The following MCPH1 variants were observed in gnomAD, a reference collection of about 807,000 sequenced individuals.
MCPH1 encodes the protein microcephalin 1, also known as microcephalin.
A neutral mutation model predicts 84.5 loss-of-function variants in MCPH1; 104 were observed. That is an observed-to-expected ratio of 1.23 (90% confidence interval 1.05 to 1.45). MCPH1 has a LOEUF of 1.45. MCPH1 is among the 40% of genes most tolerant of loss of function. MCPH1 has a pLI of 0.00. For missense variants in MCPH1, 1,498 were observed against 1,005.7 expected, an observed-to-expected ratio of 1.49 and a Z score of -6.62; for synonymous variants, 514 against 366.8, an observed-to-expected ratio of 1.40 and a Z score of -4.58.
chr8:6,500,147 C>A, intron 12 of MCPH1: 1 of 542,794 alleles, frequency 1.8e-6, no homozygotes, highest in Admixed American at 3.1e-5. Flanking sequence ...GAATGCAGTC[C>A]AAAGAAAATT....
intron 12 of MCPH1, among the ~76,000 whole-genome samples, chr8:6,574,301 C>T (rs1324945971): frequency 1.3e-5 from 2 of 152,148 alleles, no homozygotes; most frequent in African/African-American, 4.8e-5. Context: ...CTGTCCCATC[C>T]TAGCTTCTGG....
intron 3 of MCPH1, among the ~76,000 whole-genome samples, chr8:6,428,139 G>A (rs189937366): frequency 1.2e-4 from 18 of 151,958 alleles, no homozygotes; most frequent in Admixed American, 1.1e-3. Context: ...GATAAACTTT[G>A]TAATTTTTTA....
intron 12 of MCPH1, 135 bp downstream of exon 12, chr8:6,500,064 C>G: frequency 1.3e-6 from 1 of 743,498 alleles, no homozygotes. Flanking sequence ...ATTCACAGAA[C>G]TTAACACCTT....
intron 12 of MCPH1, among the ~76,000 whole-genome samples, chr8:6,571,136 G>T (rs946542458): frequency 2.6e-5 from 4 of 152,114 alleles, no homozygotes; most frequent in African/African-American, 9.7e-5. Flanking sequence ...ATGCCAGAAG[G>T]TCAAGATAGA....
rs1357401430 is a variant in MCPH1 at position 6,438,872 on chromosome 8, G to A, written c.437-81G>A. ...GGAAGAAGGAAAACGGGGTGTGGGG[G>A]GTTGTTCTTTAAAAGGAATCACATT... On this transcript the variant is annotated intron_variant, in intron 5 of 13. Transcript: ENST00000344683. The A allele has an allele frequency of 4.6e-6, 6 of 1,301,866 alleles. No individual in the cohort carries two copies. In the East Asian group the frequency reaches 7.0e-5, roughly 15 times the overall value. 80.6% of individuals were successfully genotyped at this position (1,301,866 alleles called of 1,614,324 possible).
Position 6,444,558 on chromosome 8 carries a change from C to T in MCPH1, c.836C>T (p.Ser279Phe). 1.9e-6 allele frequency: 3 copies of T among 1,614,166 alleles called. No homozygotes were observed. The highest frequency in any genetic ancestry group is 2.5e-6 in the Non-Finnish European group (3 of 1,180,002). The part of the protein sequence containing the change: ...LKANNIHSSP[S>F]FTHLDKSSPQ... ...GCAAATAATATTCATTCATCACCAT[C>T]TTTCACTCACCTCGATAAATCAAGT... is the stretch of plus-strand genomic sequence containing the variant. The change falls in exon 8 of 14, where the codon TCT (serine) becomes TTT (phenylalanine). Residue 279 changes from serine to phenylalanine, a missense_variant. Physicochemically the swap from Ser to Phe is radical, Grantham distance 155. Transcript: ENST00000344683.
At chr8:6,412,699 G>C (rs73514783) in intron 2 of MCPH1, among the ~76,000 whole-genome samples, 3,234 of 152,228 alleles carry the variant, frequency 0.021, 117 homozygotes, top group African/African-American at 0.074. Context: ...TAAAAGCCTT[G>C]TGGGAAGATG....
At chr8:6,452,069 T>A (rs1376308098) in intron 8 of MCPH1, among the ~76,000 whole-genome samples, 3 of 152,220 alleles carry the variant, frequency 2.0e-5, no homozygotes, top group Non-Finnish European at 2.9e-5. Context: ...CAAGCCAAGT[T>A]TCTCCTACAG....
chr8:6,471,376 A>C (rs148377341), intron 9 of MCPH1, among the ~76,000 whole-genome samples: 1 of 152,134 alleles, frequency 6.6e-6, no homozygotes, highest in African/African-American at 2.4e-5. Flanking sequence ...AATCTATGCA[A>C]ATAATTATAT....
At chr8:6,410,402 T>A (rs1159136128) in intron 2 of MCPH1, among the ~76,000 whole-genome samples, 1 of 152,190 alleles carries the variant, frequency 6.6e-6, no homozygotes, top group East Asian at 1.9e-4. Flanking sequence ...CACTGTAAGG[T>A]CATTGCTGAA....
chr8:6,602,322 G>T (rs75521833), intron 12 of MCPH1, among the ~76,000 whole-genome samples: 1 of 152,204 alleles, frequency 6.6e-6, no homozygotes, highest in African/African-American at 2.4e-5. Context: ...CATTCTGTGC[G>T]GATTTCTATG....
intron 13 of MCPH1, chr8:6,626,877 G>GT (rs1357488794): frequency 4.1e-6 from 4 of 984,632 alleles, no homozygotes; most frequent in Admixed American, 1.2e-4. Flanking sequence ...TCTCATAGGC[G>GT]TATTTCCACT....
chr8:6,626,371 T>C (rs1309596179), intron 13 of MCPH1: 21 of 985,172 alleles, frequency 2.1e-5, no homozygotes, highest in Non-Finnish European at 2.5e-5. Flanking sequence ...CTTCATTCCC[T>C]GGAGTCTTTT....
intron 8 of MCPH1, chr8:6,446,979 T>G: frequency 1.0e-6 from 1 of 985,298 alleles, no homozygotes; most frequent in Non-Finnish European, 1.2e-6. Context: ...GAGAGGTTTT[T>G]TCGCTCAGTG....
chr8:6,496,749 G>A (rs2442477), intron 11 of MCPH1, among the ~76,000 whole-genome samples: 81,195 of 151,912 alleles, frequency 0.53, 22,259 homozygotes, highest in East Asian at 0.69. Context: ...CAACACAATC[G>A]TTAATGCTTT....
At chr8:6,545,472 G>A (rs1563102214) in intron 12 of MCPH1, among the ~76,000 whole-genome samples, 1 of 152,102 alleles carries the variant, frequency 6.6e-6, no homozygotes, top group South Asian at 2.1e-4. Context: ...TTTTCATCTA[G>A]GAGCACCTAA....
Position 6,578,809 on chromosome 8 carries a change from C to A in MCPH1, c.2215-42645C>A, listed in dbSNP as rs562509264. On this transcript the variant is annotated intron_variant, in intron 12 of 13. Transcript: ENST00000344683. The stretch of plus-strand genomic sequence containing the variant: ...GGTGGCACCTGGTATGGCTCAGACT[C>A]GCACGTGGTTCTCCACAGAGCTGCT... 3.3e-5 allele frequency among the ~76,000 whole-genome samples: 5 copies of A among 152,286 alleles called. No homozygotes were observed. In the South Asian group the frequency reaches 1.0e-3, roughly 32 times the overall value.
At chr8:6,521,263 C>A (rs55633437) in intron 12 of MCPH1, 104,204 of 1,613,712 alleles carry the variant, frequency 0.065, 3,731 homozygotes, top group African/African-American at 0.11. Flanking sequence ...AATTATTCAC[C>A]GTGGCAGTCA....
intron 12 of MCPH1, among the ~76,000 whole-genome samples, chr8:6,539,056 C>T (rs546547868): frequency 6.6e-6 from 1 of 151,888 alleles, no homozygotes; most frequent in African/African-American, 2.4e-5. Flanking sequence ...TGTGTTTATT[C>T]TGGAGATTTT....
Sources: allele counts gnomAD v4.1 joint callset (sites outside exome capture counted in the v4.1 genomes callset), GRCh38; gene constraint gnomAD v4.1.1; transcripts MANE v1.5; gene names NCBI Gene and HGNC (gene_info 2026-07-23, HGNC 2026-07-21).